Variants in PTPRK observed in about 807,000 individuals in gnomAD.
PTPRK encodes protein tyrosine phosphatase receptor type K.
PTPRK carries 75 observed loss-of-function variants against 178.0 expected under a neutral mutation model. That is an observed-to-expected ratio of 0.42 (90% CI 0.35 to 0.51). The LOEUF (loss-of-function observed/expected upper bound fraction) is 0.51, where lower values mean the gene tolerates loss of function less well. PTPRK is among the 20% of genes least tolerant of loss of function. The pLI is 0.02. For synonymous variants in PTPRK, 637 were observed against 620.6 expected (o/e 1.03, Z -0.39); for missense variants, 1,441 against 1,797.8 (o/e 0.80, Z 3.59).
At chr6:128,285,468 T>C (rs939698877) in intron 3 of PTPRK, among the ~76,000 whole-genome samples, 5 of 150,050 alleles carry the variant, frequency 3.3e-5, no homozygotes, top group Non-Finnish European at 5.9e-5. Flanking sequence ...TGAGCTGAGA[T>C]TGCACCACTG....
chr6:128,284,676 T>A (rs946572857), intron 3 of PTPRK, among the ~76,000 whole-genome samples: 1 of 152,124 alleles, frequency 6.6e-6, no homozygotes, highest in Admixed American at 6.5e-5. Flanking sequence ...TTATAGGACA[T>A]TTTTTAAAGT....
intron 13 of PTPRK, among the ~76,000 whole-genome samples, chr6:128,045,727 C>T (rs1366966607): frequency 1.3e-5 from 2 of 151,878 alleles, no homozygotes; most frequent in Non-Finnish European, 2.9e-5. Context: ...TCAGCCATTC[C>T]AAAGAGATTA....
intron 7 of PTPRK, among the ~76,000 whole-genome samples, chr6:128,142,954 A>T (rs1005620040): frequency 6.6e-6 from 1 of 152,142 alleles, no homozygotes; most frequent in Non-Finnish European, 1.5e-5. Flanking sequence ...TATAACTAAG[A>T]TATTTATGGC....
chr6:128,445,222 T>C (rs1846820884), intron 1 of PTPRK, among the ~76,000 whole-genome samples: 2 of 145,354 alleles, frequency 1.4e-5, no homozygotes, highest in Non-Finnish European at 3.0e-5. Flanking sequence ...ATATATATAA[T>C]TTATATATAA....
intron 7 of PTPRK, among the ~76,000 whole-genome samples, chr6:128,092,655 T>C (rs1787191662): frequency 6.6e-6 from 1 of 152,192 alleles, no homozygotes; most frequent in African/African-American, 2.4e-5. Context: ...CATGGGCTGA[T>C]AACTATATGC....
In PTPRK at chr6:128,092,671, C is replaced by A. The variant is rs9402018; in HGVS notation, c.1163-2679G>T. ...ATGGGCTGATAACTATATGCACATG[C>A]ATTTTTATATTAGAATATTTATAAA... On this transcript the variant is annotated intron_variant, in intron 7 of 29. Transcript: ENST00000368226. Among the ~76,000 whole-genome samples, 734 of 152,188 alleles carry A rather than the reference C, an allele frequency of 4.8e-3. 48 individuals are homozygous for A. The East Asian group carries it at 0.12, about 25-fold the overall frequency.
chr6:127,978,720 A>C (rs1774900619), intron 25 of PTPRK, among the ~76,000 whole-genome samples: 1 of 152,182 alleles, frequency 6.6e-6, no homozygotes, highest in Non-Finnish European at 1.5e-5. Context: ...GATATGCATG[A>C]GGAGGAGCTG....
At chr6:128,262,728 G>A (rs1389357266) in intron 3 of PTPRK, among the ~76,000 whole-genome samples, 5 of 151,434 alleles carry the variant, frequency 3.3e-5, no homozygotes, top group Admixed American at 6.6e-5. Flanking sequence ...GCATTTATAC[G>A]AAAAGTCTTT....
intron 13 of PTPRK, among the ~76,000 whole-genome samples, chr6:128,029,147 C>T (rs1440847709): frequency 2.0e-5 from 3 of 152,070 alleles, no homozygotes; most frequent in African/African-American, 7.2e-5. Context: ...TTGGTGCCAT[C>T]CTCACAGTAA....
intron 5 of PTPRK, among the ~76,000 whole-genome samples, chr6:128,224,952 CA>C (rs905458083): frequency 1.3e-5 from 2 of 152,082 alleles, no homozygotes; most frequent in Admixed American, 6.5e-5. Flanking sequence ...TACTAGAGCC[CA>C]ATTCTCTTTG....
intron 3 of PTPRK, among the ~76,000 whole-genome samples, chr6:128,268,567 T>C (rs1819306179): frequency 6.6e-6 from 1 of 152,030 alleles, no homozygotes; most frequent in South Asian, 2.1e-4. Context: ...ATGGTTTACT[T>C]ATATTTGCCC....
intron 25 of PTPRK, among the ~76,000 whole-genome samples, chr6:127,978,459 CCCCTTCGG>C (rs1774871704): frequency 6.6e-6 from 1 of 152,162 alleles, no homozygotes. Context: ...GGGTTTGCTT[CCCCTTCGG>C]CCATAATTGC....
intron 1 of PTPRK, among the ~76,000 whole-genome samples, chr6:128,491,069 G>A (rs1853699156): frequency 6.6e-6 from 1 of 152,148 alleles, no homozygotes; most frequent in Non-Finnish European, 1.5e-5. Context: ...ATAACAAACA[G>A]TATAAAACAA....
In PTPRK at chr6:127,984,923, T is replaced by G. The variant is rs939798737; in HGVS notation, c.3251+798A>C. On this transcript the variant is annotated intron_variant, in intron 22 of 29. Transcript: ENST00000368226. ...TTTACCTTTACTTCATTCTCTGCTT[T>G]TTTTCCCCTCTTTTATACATGGTTA... Among the ~76,000 whole-genome samples, 8 of 152,300 alleles carry G rather than the reference T, an allele frequency of 5.3e-5. No homozygotes were observed. The East Asian group carries it at 1.5e-3, about 29-fold the overall frequency.
At chr6:128,142,766 T>C (rs1795957803) in intron 7 of PTPRK, among the ~76,000 whole-genome samples, 2 of 152,020 alleles carry the variant, frequency 1.3e-5, no homozygotes, top group African/African-American at 4.8e-5. Flanking sequence ...GTGACTGTCC[T>C]TCTATTCATG....
At chr6:128,236,850 A>G (rs1236427292) in intron 5 of PTPRK, among the ~76,000 whole-genome samples, 1 of 152,162 alleles carries the variant, frequency 6.6e-6, no homozygotes, top group African/African-American at 2.4e-5. Flanking sequence ...ATATAATCCA[A>G]TTCTTACAAG....
chr6:128,077,130 T>C (rs914389013), intron 11 of PTPRK, among the ~76,000 whole-genome samples: 1 of 152,056 alleles, frequency 6.6e-6, no homozygotes, highest in African/African-American at 2.4e-5. Context: ...AGCTGGTAGC[T>C]GATTTAAGCA....
chr6:128,047,302 A>C lies in PTPRK; in HGVS notation c.2194+17456T>G, dbSNP rs551965900. Among the ~76,000 whole-genome samples, 6 of 152,314 alleles carry C rather than the reference A, an allele frequency of 3.9e-5. No individual in the cohort carries two copies. The South Asian group carries it at 1.2e-3, about 32-fold the overall frequency. ...AGGACTTATATCATCATTGCTTACCATAAGTAATATTCTGAGTAAATAATA... is the reference window on the plus strand; with the variant it reads ...AGGACTTATATCATCATTGCTTACCCTAAGTAATATTCTGAGTAAATAATA... On this transcript the variant is annotated intron_variant, in intron 13 of 29. Transcript: ENST00000368226.
At chr6:128,087,830 A>G (rs927286413) in intron 8 of PTPRK, among the ~76,000 whole-genome samples, 1 of 152,158 alleles carries the variant, frequency 6.6e-6, no homozygotes, top group Admixed American at 6.6e-5. Context: ...TTTGAGCTAA[A>G]TGTGGTTAAA....
Sources: gnomAD v4.1 joint callset for allele counts (sites outside exome capture counted in the v4.1 genomes callset) on GRCh38, gnomAD v4.1.1 for gene constraint, MANE v1.5 for transcripts, NCBI Gene and HGNC (gene_info 2026-07-23, HGNC 2026-07-21) for gene names.